Variants in FYN observed in about 807,000 individuals in gnomAD.
The protein encoded by FYN is tyrosine-protein kinase Fyn.
In FYN, 10 loss-of-function variants were observed where a neutral mutation model predicts 70.2. That is an observed-to-expected ratio of 0.14 (90% confidence interval 0.09 to 0.24). FYN has a LOEUF of 0.24. Among genes scored for constraint, FYN ranks in the 10% least tolerant of loss-of-function variants. The pLI is 1.00. For synonymous variants in FYN, 236 were observed against 248.6 expected, an observed-to-expected ratio of 0.95 and a Z score of 0.48; for missense variants, 319 against 673.1, an observed-to-expected ratio of 0.47 and a Z score of 5.82.
At chr6:111,688,099 G>A (rs1263920863) in intron 12 of FYN, among the ~76,000 whole-genome samples, 4 of 152,256 alleles carry the variant, frequency 2.6e-5, no homozygotes, top group South Asian at 4.1e-4. Context: ...GGGAGGAGCT[G>A]GAAGAAGTGA....
At chr6:111,695,863 T>C (rs1489160040) in intron 10 of FYN, among the ~76,000 whole-genome samples, 1 of 152,156 alleles carries the variant, frequency 6.6e-6, no homozygotes, top group African/African-American at 2.4e-5. Flanking sequence ...GATGTTGAAA[T>C]GATGGAGACT....
chr6:111,870,854 G>T, intron 1 of FYN, among the ~76,000 whole-genome samples: 1 of 152,160 alleles, frequency 6.6e-6, no homozygotes, highest in Non-Finnish European at 1.5e-5. Context: ...CTTAAACTTG[G>T]TCAACAGAGT....
In FYN at chr6:111,684,883, A is replaced by T. The variant is rs553208616; in HGVS notation, c.1273+9492T>A. 2.6e-4 allele frequency among the ~76,000 whole-genome samples: 39 copies of T among 152,300 alleles called. 1 individual carries two copies. The South Asian group carries it at 7.7e-3, about 30-fold the overall frequency. On this transcript the variant is annotated intron_variant, in intron 12 of 13. Coordinates refer to ENST00000354650, the MANE Select transcript of FYN (RefSeq NM_002037.5). ...GTGGTTATCTTGGGTGGGACTGAAG[A>T]AAAAAGGAGCCCTGCTTGCTGTTCT...
chr6:111,662,071 C>T (rs920184054), intron 13 of FYN, 124 bp from the exon 14 acceptor site: 24 of 734,672 alleles, frequency 3.3e-5, no homozygotes, highest in Non-Finnish European at 4.4e-5. Flanking sequence ...GTACTCCCAT[C>T]CCCCCAGGAG....
intron 2 of FYN, among the ~76,000 whole-genome samples, chr6:111,816,037 G>A (rs1343069896): frequency 6.6e-6 from 1 of 151,998 alleles, no homozygotes; most frequent in Non-Finnish European, 1.5e-5. Context: ...TTTCACTTGT[G>A]GCCAGAAAAT....
At chr6:111,766,935 C>A (rs1562512378) in intron 3 of FYN, among the ~76,000 whole-genome samples, 1 of 152,166 alleles carries the variant, frequency 6.6e-6, no homozygotes, top group Non-Finnish European at 1.5e-5. Flanking sequence ...TGGGAATTCT[C>A]CTATTGTGTC....
Position 111,732,496 on chromosome 6 carries a change from C to T in FYN, c.-11-12434G>A, listed in dbSNP as rs958069462. Among the ~76,000 whole-genome samples the T allele has an allele frequency of 4.6e-5, 7 of 152,112 alleles. 1 individual carries two copies. Among genetic ancestry groups the T allele is most frequent in the Middle Eastern group, 3.2e-3 (1 of 316 alleles). On this transcript the variant is annotated intron_variant, in intron 3 of 13. Transcript: ENST00000354650. ...GTAAGCGAGCGGTGGAGGGTGAAGG[C>T]GGGTGAAGGCAGGTGAAGGGTGTGC...
chr6:111,726,253 A>G (rs706908), intron 3 of FYN, among the ~76,000 whole-genome samples: 21,730 of 152,190 alleles, frequency 0.14, 3,151 homozygotes, highest in African/African-American at 0.37. Context: ...TAAGCTACTA[A>G]GTTTGTAGTA....
chr6:111,747,254 G>C (rs907690123), intron 3 of FYN, among the ~76,000 whole-genome samples: 4 of 152,176 alleles, frequency 2.6e-5, no homozygotes, highest in Admixed American at 2.6e-4. Flanking sequence ...GCTACTTGGT[G>C]TGATTTTTGT....
At chr6:111,708,792 A>G (rs1209224542) in intron 5 of FYN, among the ~76,000 whole-genome samples, 1 of 152,184 alleles carries the variant, frequency 6.6e-6, no homozygotes, top group Non-Finnish European at 1.5e-5. Flanking sequence ...GCCACTTTGT[A>G]CTGCCTTAGG....
At chr6:111,683,857 T>C (rs1373568559) in intron 12 of FYN, among the ~76,000 whole-genome samples, 1 of 152,124 alleles carries the variant, frequency 6.6e-6, no homozygotes, top group East Asian at 1.9e-4. Context: ...CCTGGAACTT[T>C]GTGGTTATTT....
At chr6:111,840,050 A>G (rs1179082118) in intron 2 of FYN, among the ~76,000 whole-genome samples, 1 of 152,176 alleles carries the variant, frequency 6.6e-6, no homozygotes, top group Non-Finnish European at 1.5e-5. Context: ...GGGACTGGAG[A>G]AGAGACTAGT....
At chr6:111,826,231 A>C (rs1205226276) in intron 2 of FYN, among the ~76,000 whole-genome samples, 1 of 151,838 alleles carries the variant, frequency 6.6e-6, no homozygotes, top group Admixed American at 6.6e-5. Flanking sequence ...AGGGTGGGAG[A>C]GCTACAGCAT....
At chr6:111,819,619 G>C (rs1035042324) in intron 2 of FYN, among the ~76,000 whole-genome samples, 1 of 151,806 alleles carries the variant, frequency 6.6e-6, no homozygotes, top group Non-Finnish European at 1.5e-5. Flanking sequence ...TTTTTAATTA[G>C]TTTTACAGAC....
rs555733732 is a variant in FYN, at chr6:111,833,716, A to T, written c.-82+12873T>A. Among the ~76,000 whole-genome samples, 6 of 152,308 alleles carry T rather than the reference A, an allele frequency of 3.9e-5. No individual in the cohort carries two copies. In the East Asian group the frequency reaches 1.2e-3, roughly 29 times the overall value. On this transcript the variant is annotated intron_variant, in intron 2 of 13. Transcript: ENST00000354650. ...TGTACTTGCCCTTGCCTTAAAAGTTAATGTTTTTTCGTGCGAATGTCAAGT... is the reference window on the plus strand; with the variant it reads ...TGTACTTGCCCTTGCCTTAAAAGTTTATGTTTTTTCGTGCGAATGTCAAGT...
At chr6:111,784,518 A>T (rs903669382) in intron 2 of FYN, among the ~76,000 whole-genome samples, 6 of 152,172 alleles carry the variant, frequency 3.9e-5, no homozygotes, top group African/African-American at 1.4e-4. Context: ...CAGCTTTCTA[A>T]ATCAGCCAGT....
intron 3 of FYN, among the ~76,000 whole-genome samples, chr6:111,750,405 T>G (rs1802432522): frequency 6.6e-6 from 1 of 152,164 alleles, no homozygotes; most frequent in African/African-American, 2.4e-5. Context: ...TCCGCCATGA[T>G]TGGAAGCTTC....
chr6:111,674,218 T>C (rs903848564), intron 13 of FYN, among the ~76,000 whole-genome samples: 2 of 152,190 alleles, frequency 1.3e-5, no homozygotes, highest in African/African-American at 2.4e-5. Flanking sequence ...ATACTCCTAC[T>C]GAGAGAGGAG....
At chr6:111,852,611 T>C (rs1475657951) in intron 1 of FYN, among the ~76,000 whole-genome samples, 1 of 152,106 alleles carries the variant, frequency 6.6e-6, no homozygotes, top group Non-Finnish European at 1.5e-5. Flanking sequence ...AAAGCCCAAG[T>C]ACCAACTGAA....
Sources: allele counts gnomAD v4.1 joint callset (sites outside exome capture counted in the v4.1 genomes callset), GRCh38; gene constraint gnomAD v4.1.1; transcripts MANE v1.5; gene names NCBI Gene and HGNC (gene_info 2026-07-23, HGNC 2026-07-21).